Variants in PCK1 observed in about 807,000 individuals in gnomAD.
PCK1 encodes phosphoenolpyruvate carboxykinase 1.
Under a neutral mutation model 50.3 loss-of-function variants are expected in PCK1, and 44 were observed. That is an observed-to-expected ratio of 0.87 (90% CI 0.69 to 1.12). The LOEUF is 1.12. PCK1 is among the 50% of genes most tolerant of loss of function. The pLI is 0.00. For missense variants in PCK1, 790 were observed against 815.0 expected, an observed-to-expected ratio of 0.97 and a Z score of 0.37; for synonymous variants, 332 against 314.3, an observed-to-expected ratio of 1.06 and a Z score of -0.59.
rs747340326 is a variant in PCK1, at chr20:57,566,070, C to G, written c.*266C>G. On this transcript the variant is annotated 3_prime_UTR_variant, in exon 10 of 10. Coordinates refer to ENST00000319441, the MANE Select transcript of PCK1 (RefSeq NM_002591.4). ...CATAGTTTGTTCAAATTTAAGGTTA[C>G]TCAGGCATTGATCTTTTCAGTGTTT... is the stretch of plus-strand genomic sequence containing the variant. 2.4e-6 allele frequency: 1 copy of G among 424,684 alleles called. No homozygotes were observed. Among genetic ancestry groups the G allele is most frequent in the African/African-American group, 2.0e-5 (1 of 50,134 alleles). 26.3% of individuals were successfully genotyped at this position (424,684 alleles called of 1,614,324 possible). A position where few individuals can be genotyped will look rare whatever the true frequency, so the allele number is the denominator to read the frequency against.
chr20:57,562,742 G>C lies in PCK1; in HGVS notation c.453G>C (p.Ser151=). Residue 151 remains serine (S), a synonymous_variant, in exon 4 of 10, where the codon TCG becomes TCC. Transcript: ENST00000319441. ...VIPFSMGPLG[S]PLSKIGIELT... ...CATTCAGCATGGGGCCGCTGGGCTC[G>C]CCTCTGTCAAAGATCGGCATCGAGC... is the stretch of plus-strand genomic sequence containing the variant. 1 of 1,613,410 alleles carries C rather than the reference G, an allele frequency of 6.2e-7. No individual in the cohort carries two copies. Among genetic ancestry groups the C allele is most frequent in the South Asian group, 1.1e-5 (1 of 91,050 alleles).
Position 57,564,464 on chromosome 20 carries a change from C to T in PCK1, c.1187-18C>T, listed in dbSNP as rs751527749. 2 of 1,614,156 alleles carry T rather than the reference C, an allele frequency of 1.2e-6. No homozygotes were observed. Among genetic ancestry groups the T allele is most frequent in the Non-Finnish European group, 1.7e-6 (2 of 1,180,026 alleles). ...CCTGTTTGAGCCAGGCACTCACGAG[C>T]CTTTCTCTGTCTTATAGGGGAACCT... On this transcript the variant is annotated intron_variant, in intron 7 of 9. Transcript: ENST00000319441.
chr20:57,562,765 A>G lies in PCK1; in HGVS notation c.476A>G (p.Glu159Gly), dbSNP rs2070159697. 6.2e-7 allele frequency: 1 copy of G among 1,614,080 alleles called. No homozygotes were observed. Among genetic ancestry groups the G allele is most frequent in the Non-Finnish European group, 8.5e-7 (1 of 1,179,954 alleles). Residue 159 changes from glutamate (E) to glycine (G), a missense_variant, in exon 4 of 10, where the codon GAG becomes GGG. By Grantham distance (98) the Glu-to-Gly change is moderately conservative. Transcript: ENST00000319441. ...LGSPLSKIGI[E>G]LTDSPYVVAS... Reference sequence around the variant, plus strand: ...TCGCCTCTGTCAAAGATCGGCATCGAGCTGACGGATTCACCCTACGTGGTG... The same window carrying G: ...TCGCCTCTGTCAAAGATCGGCATCGGGCTGACGGATTCACCCTACGTGGTG...
chr20:57,561,912 A>C, intron 2 of PCK1, 159 bp from the exon 3 acceptor site: 1 of 639,462 alleles, frequency 1.6e-6, no homozygotes, highest in Non-Finnish European at 2.7e-6. Flanking sequence ...TAGTGGAGTA[A>C]ATGTCCACCT....
In PCK1 at chr20:57,561,427, C is replaced by A; in HGVS notation, c.16C>A (p.Gln6Lys). Reference sequence around the variant, plus strand: ...CTCTGCAGAAATGCCTCCTCAGCTGCAAAACGGCCTGAACCTCTCGGCCAA... The same window carrying A: ...CTCTGCAGAAATGCCTCCTCAGCTGAAAAACGGCCTGAACCTCTCGGCCAA... MPPQL[Q>K]NGLNLSAKVV... is the part of the protein sequence containing the mutation. The change falls in exon 2 of 10, where the codon CAA becomes AAA. Residue 6 changes from glutamine to lysine, a missense_variant. Gln to Lys is a moderately conservative substitution (Grantham distance 53, BLOSUM62 1). Transcript: ENST00000319441. 1 of 1,612,570 alleles carries A rather than the reference C, an allele frequency of 6.2e-7. No homozygotes were observed. Among genetic ancestry groups the A allele is most frequent in the Non-Finnish European group, 8.5e-7 (1 of 1,179,362 alleles).
At position 57,563,674 on chromosome 20, in the gene PCK1, G is replaced by A. The variant is rs1185413351; in HGVS notation, c.908G>A (p.Trp303Ter). ...ATGATGAACCCCAGCCTCCCCGGGT[G>A]GAAGGTTGAGTGCGTCGGGGATGAC... ...LAMMNPSLPGWKVECVGDDIA... is the reference protein window; with the variant it reads ...LAMMNPSLPG The change falls in exon 6 of 10, where the codon TGG (tryptophan) becomes TAG (stop). Residue 303 changes from tryptophan to a stop codon, truncating the protein, a stop_gained. Coordinates refer to ENST00000319441, the MANE Select transcript of PCK1 (RefSeq NM_002591.4). LOFTEE classifies it high-confidence loss of function. 1.2e-6 allele frequency: 2 copies of A among 1,613,732 alleles called. No homozygotes were observed. Among genetic ancestry groups the A allele is most frequent in the African/African-American group, 1.3e-5 (1 of 74,914 alleles).
chr20:57,563,905 G>T, intron 6 of PCK1, 178 bp downstream of exon 6: 1 of 629,472 alleles, frequency 1.6e-6, no homozygotes, highest in Non-Finnish European at 2.8e-6. Flanking sequence ...TATTCAATCT[G>T]GATTGAAACT....
rs534599209 is a variant in PCK1 at position 57,566,419 on chromosome 20, C to G, written c.*615C>G. The G allele has an allele frequency of 1.3e-5, 2 of 152,184 alleles. No individual in the cohort carries two copies. Among genetic ancestry groups the G allele is most frequent in the Admixed American group, 1.3e-4 (2 of 15,290 alleles). 9.4% of individuals were successfully genotyped at this position (152,184 alleles called of 1,614,324 possible). A position where few individuals can be genotyped will look rare whatever the true frequency, so the allele number is the denominator to read the frequency against. On this transcript the variant is annotated 3_prime_UTR_variant, in exon 10 of 10. Coordinates refer to ENST00000319441, the MANE Select transcript of PCK1 (RefSeq NM_002591.4). ...TTGCAATATTTCCCCCTTACTACTT[C>G]TTGGAAAAAAATTACAAAATGAAGT...
intron 1 of PCK1, 26 bp downstream of exon 1, chr20:57,561,229 T>A: frequency 1.8e-6 from 1 of 542,136 alleles, no homozygotes; most frequent in Non-Finnish European, 3.3e-6. Flanking sequence ...CATTTACATT[T>A]TGAAAAATTA....
In PCK1 at chr20:57,565,637, G is replaced by A. The variant is rs374391997; in HGVS notation, c.1702G>A (p.Gly568Ser). ...CAAGGAGGATGCCCTGAACCTGAAA[G>A]GCCTGGGGCACATCAACATGATGGA... is the stretch of plus-strand genomic sequence containing the variant. The part of the protein sequence containing the change: ...IPKEDALNLK[G>S]LGHINMMELF... Residue 568 changes from glycine (G) to serine (S), a missense_variant, in exon 10 of 10, where the codon GGC becomes AGC. Coordinates refer to ENST00000319441, the MANE Select transcript of PCK1 (RefSeq NM_002591.4). 10 of 1,614,050 alleles carry A rather than the reference G, an allele frequency of 6.2e-6. No individual in the cohort carries two copies. In the African/African-American group the frequency reaches 1.3e-4, roughly 22 times the overall value.
intron 2 of PCK1, chr20:57,561,839 A>G (rs1437775321): frequency 1.9e-6 from 1 of 516,600 alleles, no homozygotes; most frequent in African/African-American, 1.9e-5. Context: ...TGTGTGCACA[A>G]AAGCTCTGCC....
At position 57,563,127 on chromosome 20, in the gene PCK1, G is replaced by A. The variant is rs1415908197; in HGVS notation, c.710G>A (p.Gly237Glu). Residue 237 changes from glycine (G) to glutamate (E), a missense_variant, in exon 5 of 10, where the codon GGG becomes GAG. Coordinates refer to ENST00000319441, the MANE Select transcript of PCK1 (RefSeq NM_002591.4). Reference sequence around the variant, plus strand: ...ATCTCCTTTGGCAGTGGGTACGGCGGGAACTCGCTGCTCGGGAAGAAGTGC... The same window carrying A: ...ATCTCCTTTGGCAGTGGGTACGGCGAGAACTCGCTGCTCGGGAAGAAGTGC... ...EIISFGSGYG[G>E]NSLLGKKCFA... 5 of 1,613,836 alleles carry A rather than the reference G, an allele frequency of 3.1e-6. No homozygotes were observed. The African/African-American group carries it at 5.3e-5, about 17-fold the overall frequency.
chr20:57,564,209 T>C lies in PCK1; in HGVS notation c.1002T>C (p.Gly334=). Residue 334 remains glycine, a synonymous_variant, in exon 7 of 10, where the codon GGT becomes GGC. Coordinates refer to ENST00000319441, the MANE Select transcript of PCK1 (RefSeq NM_002591.4). The part of the protein sequence containing the change: ...RAINPENGFF[G]VAPGTSVKTN... ...TCAACCCAGAAAATGGCTTTTTCGG[T>C]GTCGCTCCTGGGACTTCAGTGAAGA... 6.2e-7 allele frequency: 1 copy of C among 1,614,044 alleles called. No individual in the cohort carries two copies. Among genetic ancestry groups the C allele is most frequent in the Non-Finnish European group, 8.5e-7 (1 of 1,179,928 alleles).
chr20:57,564,144 G>A, intron 6 of PCK1, 25 bp from the exon 7 acceptor site: 1 of 1,521,814 alleles, frequency 6.6e-7, no homozygotes, highest in Non-Finnish European at 9.1e-7. Flanking sequence ...ACTCACTACT[G>A]CTTCTCTGGT....
At chr20:57,564,957 C>A (rs865941061) in intron 8 of PCK1, 83 bp from the exon 9 acceptor site, 1 of 995,396 alleles carries the variant, frequency 1.0e-6, no homozygotes, top group Non-Finnish European at 1.6e-6. Context: ...CGTGTCTTTC[C>A]GTGTTGTGAA....
At position 57,562,779 on chromosome 20, in the gene PCK1, C is replaced by T. The variant is rs1387377616; in HGVS notation, c.490C>T (p.Pro164Ser). 1 of 1,614,038 alleles carries T rather than the reference C, an allele frequency of 6.2e-7. No individual in the cohort carries two copies. The highest frequency in any genetic ancestry group is 1.1e-5 in the South Asian group (1 of 91,080). Reference sequence around the variant, plus strand: ...GATCGGCATCGAGCTGACGGATTCACCCTACGTGGTGGCCAGCATGCGGAT... The same window carrying T: ...GATCGGCATCGAGCTGACGGATTCATCCTACGTGGTGGCCAGCATGCGGAT... ...SKIGIELTDS[P>S]YVVASMRIMT... The change falls in exon 4 of 10, where the codon CCC becomes TCC. Residue 164 changes from proline (P) to serine (S), a missense_variant. Physicochemically the swap from Pro to Ser is moderately conservative, Grantham distance 74. Transcript: ENST00000319441.
chr20:57,563,690 C>T lies in PCK1; in HGVS notation c.924C>T (p.Val308=), dbSNP rs778186996. ...TCCCCGGGTGGAAGGTTGAGTGCGT[C>T]GGGGATGACATTGCCTGGATGAAGT... ...PSLPGWKVEC[V]GDDIAWMKFD... is the part of the protein sequence containing the mutation. The change falls in exon 6 of 10, where the codon GTC becomes GTT. Residue 308 remains valine (V), a synonymous_variant. Transcript: ENST00000319441. The T allele has an allele frequency of 2.5e-5, 41 of 1,613,214 alleles. No individual in the cohort carries two copies. The highest frequency in any genetic ancestry group is 3.3e-5 in the Admixed American group (2 of 59,810).
rs368426390 is a variant in PCK1 at position 57,564,502 on chromosome 20, A to G, written c.1207A>G (p.Asn403Asp). ...TATAGGGGAACCTTGTGCCCACCCC[A>G]ACTCGAGGTTCTGCACCCCTGCCAG... is the stretch of plus-strand genomic sequence containing the variant. ...SEDGEPCAHP[N>D]SRFCTPASQC... Residue 403 changes from asparagine to aspartate, a missense_variant, in exon 8 of 10, where the codon AAC becomes GAC. Physicochemically the swap from Asn to Asp is conservative, Grantham distance 23 (BLOSUM62 1). Coordinates refer to ENST00000319441, the MANE Select transcript of PCK1 (RefSeq NM_002591.4). 4 of 1,614,118 alleles carry G rather than the reference A, an allele frequency of 2.5e-6. No homozygotes were observed. Among genetic ancestry groups the G allele is most frequent in the Non-Finnish European group, 3.4e-6 (4 of 1,180,008 alleles).
Position 57,561,547 on chromosome 20 carries a change from T to A in PCK1, c.136T>A (p.Cys46Ser). ...GTGTCAGCCTGATCACATCCACATCTGTGACGGCTCTGAGGAGGAGAATGG... is the reference window on the plus strand; with the variant it reads ...GTGTCAGCCTGATCACATCCACATCAGTGACGGCTCTGAGGAGGAGAATGG... ...ELCQPDHIHICDGSEEENGRL... is the reference protein window; with the variant it reads ...ELCQPDHIHISDGSEEENGRL... Residue 46 changes from cysteine to serine, a missense_variant, in exon 2 of 10, where the codon TGT (cysteine) becomes AGT (serine). Transcript: ENST00000319441. 6.2e-7 allele frequency: 1 copy of A among 1,613,994 alleles called. No individual in the cohort carries two copies. Among genetic ancestry groups the A allele is most frequent in the Non-Finnish European group, 8.5e-7 (1 of 1,179,956 alleles).
Sources: allele counts gnomAD v4.1 joint callset, GRCh38; gene constraint gnomAD v4.1.1; transcripts MANE v1.5; gene names NCBI Gene and HGNC (gene_info 2026-07-23, HGNC 2026-07-21).